Variants in DOP1A observed in about 807,000 individuals in gnomAD.
DOP1A encodes protein DOP1A.
DOP1A carries 90 observed loss-of-function variants against 267.6 expected under a neutral mutation model. The ratio of observed to expected loss-of-function variants is 0.34; its 90% confidence interval spans 0.28 to 0.40. The LOEUF is 0.40. DOP1A is among the 10% of genes least tolerant of loss of function. The probability of loss-of-function intolerance (pLI) is 1.00; values close to 1 mark genes in which losing one functional copy is unlikely to be tolerated. For missense variants in DOP1A, 2,437 were observed against 2,900.4 expected, an observed-to-expected ratio of 0.84 and a Z score of 3.67; for synonymous variants, 932 against 999.1, an observed-to-expected ratio of 0.93 and a Z score of 1.27.
intron 37 of DOP1A, among the ~76,000 whole-genome samples, chr6:83,160,291 T>A (rs889930807): frequency 2.6e-5 from 4 of 152,202 alleles, no homozygotes; most frequent in African/African-American, 9.6e-5. Flanking sequence ...AGATCCCTAC[T>A]AGCTCTGAAG....
downstream of DOP1A, chr6:83,170,191 G>T (rs182613243): frequency 6.4e-5 from 59 of 926,988 alleles, no homozygotes; most frequent in Middle Eastern, 2.8e-4. Context: ...AACCTAAAAG[G>T]CTCAACAAAA....
chr6:83,143,666 G>T (rs1387400323), intron 24 of DOP1A, among the ~76,000 whole-genome samples: 1 of 152,076 alleles, frequency 6.6e-6, no homozygotes, highest in Non-Finnish European at 1.5e-5. Flanking sequence ...TTTTAGGAGG[G>T]TTGGAACAGA....
intron 24 of DOP1A, 98 bp downstream of exon 24, chr6:83,142,144 C>A: frequency 1.4e-6 from 2 of 1,411,276 alleles, no homozygotes; most frequent in Non-Finnish European, 1.9e-6. Flanking sequence ...GGGGTAGATT[C>A]GAGTGTAAAG....
downstream of DOP1A, chr6:83,168,718 A>G (rs1177026061): frequency 4.0e-6 from 4 of 997,452 alleles, no homozygotes; most frequent in Non-Finnish European, 4.8e-6. Flanking sequence ...ACAACCCCCT[A>G]TTCATACCTC....
chr6:83,146,924 G>C (rs536116945), intron 25 of DOP1A, among the ~76,000 whole-genome samples: 4 of 152,114 alleles, frequency 2.6e-5, no homozygotes, highest in Admixed American at 6.5e-5. Context: ...ACCTAAAATA[G>C]TGTTGATACT....
intron 4 of DOP1A, among the ~76,000 whole-genome samples, chr6:83,105,752 A>G (rs781717473): frequency 9.9e-5 from 15 of 152,154 alleles, no homozygotes; most frequent in Non-Finnish European, 1.9e-4. Flanking sequence ...ATATTAAGAA[A>G]ACTGAGCATT....
chr6:83,076,799 G>C (rs9344337), intron 1 of DOP1A, among the ~76,000 whole-genome samples: 119,683 of 152,096 alleles, frequency 0.79, 47,201 homozygotes, highest in South Asian at 0.84. Context: ...AGCAGGATCT[G>C]GAAGAGGAAT....
intron 12 of DOP1A, 96 bp downstream of exon 12, chr6:83,123,078 C>T (rs1776606521): frequency 7.7e-7 from 1 of 1,301,240 alleles, no homozygotes; most frequent in African/African-American, 1.6e-5. Context: ...TTCTTTTATA[C>T]ATTCTATTAC....
At chr6:83,068,141 G>A (rs1261420644) in intron 1 of DOP1A, among the ~76,000 whole-genome samples, 4 of 152,228 alleles carry the variant, frequency 2.6e-5, no homozygotes, top group Non-Finnish European at 5.9e-5. Flanking sequence ...GGCAGAGGTC[G>A]CACCTGTGCG....
In DOP1A at chr6:83,138,524, A is replaced by C. The variant is rs1260528623; in HGVS notation, c.4482A>C (p.Thr1494=). 8 of 1,613,696 alleles carry C rather than the reference A, an allele frequency of 5.0e-6. No homozygotes were observed. The highest frequency in any genetic ancestry group is 6.8e-6 in the Non-Finnish European group (8 of 1,179,948). ...AAATGATGAGCATAGAAATTCTGAC[A>C]CTACTCTTCACTGAGCTGGCAAAAG... ...NMQMMSIEIL[T]LLFTELAKVI... is the part of the protein sequence containing the mutation. The change falls in exon 21 of 39, where the codon ACA becomes ACC. Residue 1494 remains threonine, a synonymous_variant. Transcript: ENST00000349129.
At chr6:83,140,731 T>G (rs562103283) in intron 23 of DOP1A, among the ~76,000 whole-genome samples, 3 of 152,300 alleles carry the variant, frequency 2.0e-5, no homozygotes, top group African/African-American at 7.2e-5. Flanking sequence ...ACCACGAATC[T>G]ATTCTCTCCA....
chr6:83,086,618 G>C (rs960640793), intron 1 of DOP1A, among the ~76,000 whole-genome samples: 12 of 152,158 alleles, frequency 7.9e-5, no homozygotes, highest in Non-Finnish European at 1.3e-4. Flanking sequence ...TGAGAGGGAA[G>C]AGTCCCGGAA....
chr6:83,074,793 A>C (rs2127988648), intron 1 of DOP1A, among the ~76,000 whole-genome samples: 1 of 152,354 alleles, frequency 6.6e-6, no homozygotes, highest in African/African-American at 2.4e-5. Flanking sequence ...AATTTTGGCC[A>C]GGCTCAGTGG....
intron 38 of DOP1A, chr6:83,167,480 T>TC (rs1786041265): frequency 1.0e-6 from 1 of 996,160 alleles, no homozygotes; most frequent in Non-Finnish European, 1.2e-6. Flanking sequence ...GTTCCTTTTT[T>TC]CTGTAGTAAT....
intron 7 of DOP1A, 41 bp downstream of exon 7, chr6:83,113,462 A>G (rs754526842): frequency 2.3e-5 from 35 of 1,495,140 alleles, no homozygotes; most frequent in Non-Finnish European, 2.9e-5. Context: ...GCATTCTTGG[A>G]AAACTGTAGA....
intron 20 of DOP1A, among the ~76,000 whole-genome samples, chr6:83,136,935 G>A (rs1280785601): frequency 1.3e-5 from 2 of 152,044 alleles, no homozygotes; most frequent in African/African-American, 2.4e-5. Flanking sequence ...TTATGTATTT[G>A]TGGTTTGCTG....
chr6:83,068,376 C>G (rs1385211354), intron 1 of DOP1A, among the ~76,000 whole-genome samples: 1 of 152,158 alleles, frequency 6.6e-6, no homozygotes, highest in Non-Finnish European at 1.5e-5. Context: ...AAAGTTGCAA[C>G]ATAACAATAG....
intron 35 of DOP1A, among the ~76,000 whole-genome samples, chr6:83,157,633 G>T (rs1240305233): frequency 1.3e-5 from 2 of 152,188 alleles, no homozygotes; most frequent in Non-Finnish European, 2.9e-5. Context: ...GACAATAGCA[G>T]CTGGACCCAT....
At chr6:83,082,667 G>A (rs1768326848) in intron 1 of DOP1A, among the ~76,000 whole-genome samples, 2 of 152,114 alleles carry the variant, frequency 1.3e-5, no homozygotes, top group Admixed American at 1.3e-4. Context: ...CCACAAAAAT[G>A]ACAACTATTT....
Sources: allele counts gnomAD v4.1 joint callset (sites outside exome capture counted in the v4.1 genomes callset), GRCh38; gene constraint gnomAD v4.1.1; transcripts MANE v1.5; gene names NCBI Gene and HGNC (gene_info 2026-07-23, HGNC 2026-07-21).